RBM46: variants seen among roughly 807,000 people sequenced by gnomAD.
The protein encoded by RBM46 is RNA binding motif protein 46.
Under a neutral mutation model 43.3 loss-of-function variants are expected in RBM46, and 12 were observed. The ratio of observed to expected loss-of-function variants is 0.28; its 90% confidence interval spans 0.18 to 0.45. RBM46 has a LOEUF of 0.45. Among genes scored for constraint, RBM46 ranks in the 20% least tolerant of loss-of-function variants. The pLI is 1.00. For missense variants in RBM46, 412 were observed against 639.1 expected (o/e 0.64, Z 3.83); for synonymous variants, 205 against 207.6 (o/e 0.99, Z 0.11).
At chr4:154,785,484 A>G (rs1733715542) in intron 1 of RBM46, among the ~76,000 whole-genome samples, 1 of 152,086 alleles carries the variant, frequency 6.6e-6, no homozygotes, top group African/African-American at 2.4e-5. Flanking sequence ...TATTATTTCT[A>G]TAACCAGTAA....
intron 1 of RBM46, among the ~76,000 whole-genome samples, chr4:154,796,089 G>A (rs1277724458): frequency 6.6e-6 from 1 of 152,086 alleles, no homozygotes; most frequent in African/African-American, 2.4e-5. Flanking sequence ...AATCACTTGA[G>A]ACCAGGAAGC....
At chr4:154,824,776 A>G (rs1475352711) in intron 4 of RBM46, among the ~76,000 whole-genome samples, 8 of 152,034 alleles carry the variant, frequency 5.3e-5, no homozygotes, top group African/African-American at 1.9e-4. Context: ...TGTTGAGAGA[A>G]AGAAGATAGA....
At chr4:154,789,526 A>C (rs1010522634) in intron 1 of RBM46, among the ~76,000 whole-genome samples, 1 of 152,206 alleles carries the variant, frequency 6.6e-6, no homozygotes, top group Non-Finnish European at 1.5e-5. Context: ...GATGAAGCCC[A>C]CTTGATCATG....
At chr4:154,782,506 C>A (rs1375233115) in intron 1 of RBM46, among the ~76,000 whole-genome samples, 2 of 152,124 alleles carry the variant, frequency 1.3e-5, no homozygotes, top group Non-Finnish European at 2.9e-5. Flanking sequence ...TGTTTTGAGA[C>A]GGAGTCTCGC....
chr4:154,786,794 G>A (rs1217960222), intron 1 of RBM46, among the ~76,000 whole-genome samples: 1 of 152,102 alleles, frequency 6.6e-6, no homozygotes, highest in Non-Finnish European at 1.5e-5. Flanking sequence ...AGGCATGATG[G>A]CGCATGCCTG....
chr4:154,798,349 C>A, intron 3 of RBM46, 71 bp downstream of exon 3: 3 of 924,784 alleles, frequency 3.2e-6, no homozygotes, highest in Non-Finnish European at 4.8e-6. Context: ...CATCAGGGAT[C>A]AATATTATCA....
Position 154,824,245 on chromosome 4 carries a change from C to T in RBM46, c.1403-3623C>T, listed in dbSNP as rs373416107. ...TACCAAATGTTAGAATGTGGAGCAA[C>T]TCGAAGTCTCATATCTTACTGGTGT... On this transcript the variant is annotated intron_variant, in intron 4 of 4. Coordinates refer to ENST00000281722, the MANE Select transcript of RBM46 (RefSeq NM_144979.5). 3.9e-5 allele frequency among the ~76,000 whole-genome samples: 6 copies of T among 152,054 alleles called. No individual in the cohort carries two copies. In the South Asian group the frequency reaches 8.3e-4, roughly 21 times the overall value.
At position 154,798,052 on chromosome 4, in the gene RBM46, T is replaced by G. The variant is rs757176125; in HGVS notation, c.393T>G (p.Phe131Leu). 7 of 1,613,824 alleles carry G rather than the reference T, an allele frequency of 4.3e-6. No homozygotes were observed. The highest frequency in any genetic ancestry group is 1.3e-5 in the African/African-American group (1 of 74,916). Residue 131 changes from phenylalanine to leucine, a missense_variant, in exon 3 of 5, where the codon TTT (phenylalanine) becomes TTG (leucine). Around this residue, in one of 8 missense-constraint regions of RBM46, gnomAD observed 48 missense variants for 78.9 expected, o/e 0.61. Coordinates refer to ENST00000281722, the MANE Select transcript of RBM46 (RefSeq NM_144979.5). ...LNNYEIRPGKFIGVCVSLDNC... is the reference protein window; with the variant it reads ...LNNYEIRPGKLIGVCVSLDNC... ...ATTATGAAATTCGACCAGGGAAGTT[T>G]ATTGGTGTGTGTGTAAGCCTGGATA...
At chr4:154,796,935 A>G (rs1734381920) in intron 2 of RBM46, 32 bp downstream of exon 2, 1 of 1,586,616 alleles carries the variant, frequency 6.3e-7, no homozygotes, top group Non-Finnish European at 8.6e-7. Context: ...TTTAAATTTA[A>G]TCTTTAACCT....
chr4:154,785,106 G>A (rs1305292491), intron 1 of RBM46, among the ~76,000 whole-genome samples: 2 of 151,914 alleles, frequency 1.3e-5, no homozygotes, highest in African/African-American at 4.8e-5. Flanking sequence ...TTTCTAAAGA[G>A]AATATAGGAT....
At chr4:154,787,358 G>A (rs1407754642) in intron 1 of RBM46, 1 of 107,146 alleles carries the variant, frequency 9.3e-6, no homozygotes, top group Non-Finnish European at 1.7e-5. Flanking sequence ...GACAGGCCCC[G>A]ATGTGTGATG....
At chr4:154,817,113 T>C (rs1735481659) in intron 4 of RBM46, among the ~76,000 whole-genome samples, 1 of 152,208 alleles carries the variant, frequency 6.6e-6, no homozygotes, top group Middle Eastern at 3.4e-3. Flanking sequence ...TTAGTGAGAT[T>C]GACTCATTCT....
At chr4:154,783,153 C>T (rs156548) in intron 1 of RBM46, among the ~76,000 whole-genome samples, 4,211 of 152,248 alleles carry the variant, frequency 0.028, 207 homozygotes, top group African/African-American at 0.096. Context: ...ATAAAGATGA[C>T]AGTGCTGCCT....
Position 154,827,589 on chromosome 4 carries a change from A to G in RBM46, c.1403-279A>G, listed in dbSNP as rs1044514813. The G allele has an allele frequency of 1.2e-5, 14 of 1,155,698 alleles. No homozygotes were observed. The South Asian group carries it at 1.6e-4, about 13-fold the overall frequency. The allele number at this position is 1,155,698 out of a possible 1,614,324, so 71.6% of individuals were successfully genotyped here. ...GAGAAATGAGACGTTCTCTTTTTCT[A>G]TAATCAAAACTCCAAGAAATAGTAG... On this transcript the variant is annotated intron_variant, in intron 4 of 4. Transcript: ENST00000281722.
At chr4:154,796,556 C>T (rs1210298930) in intron 1 of RBM46, among the ~76,000 whole-genome samples, 186 bp from the exon 2 acceptor site, 1 of 152,206 alleles carries the variant, frequency 6.6e-6, no homozygotes, top group South Asian at 2.1e-4. Flanking sequence ...TGGTCAGTGA[C>T]ATTGAAAGAA....
intron 1 of RBM46, among the ~76,000 whole-genome samples, chr4:154,789,512 T>C (rs956376306): frequency 6.6e-6 from 1 of 152,182 alleles, no homozygotes; most frequent in Non-Finnish European, 1.5e-5. Flanking sequence ...CCTTGCATCC[T>C]GGGGATGAAG....
intron 1 of RBM46, among the ~76,000 whole-genome samples, chr4:154,785,305 A>G (rs1353954346): frequency 1.3e-5 from 2 of 152,120 alleles, no homozygotes; most frequent in Non-Finnish European, 2.9e-5. Context: ...TAAAAATAGA[A>G]CTTTAGAGAC....
Position 154,811,932 on chromosome 4 carries a change from C to G in RBM46, c.1402+12368C>G, listed in dbSNP as rs576146235. Among the ~76,000 whole-genome samples the G allele has an allele frequency of 5.3e-5, 8 of 151,960 alleles. No individual in the cohort carries two copies. In the South Asian group the frequency reaches 1.7e-3, roughly 32 times the overall value. Reference sequence around the variant, plus strand: ...CTGACCTCAAGTGATCTGCCTGCCTCTTCCTCCCAAAGTGCTAGGATTACA... The same window carrying G: ...CTGACCTCAAGTGATCTGCCTGCCTGTTCCTCCCAAAGTGCTAGGATTACA... On this transcript the variant is annotated intron_variant, in intron 4 of 4. Transcript: ENST00000281722.
intron 4 of RBM46, chr4:154,827,380 A>G: frequency 9.1e-6 from 9 of 986,510 alleles, no homozygotes; most frequent in Non-Finnish European, 1.1e-5. Flanking sequence ...TTAAATAATG[A>G]AATATTGGCC....
Sources: gnomAD v4.1 joint callset for allele counts (sites outside exome capture counted in the v4.1 genomes callset) on GRCh38, gnomAD v4.1.1 for gene constraint, gnomAD v4.1.1 regional missense constraint, MANE v1.5 for transcripts, NCBI Gene and HGNC (gene_info 2026-07-23, HGNC 2026-07-21) for gene names.